CTNNA3: variants seen among roughly 807,000 people sequenced by gnomAD.
The protein encoded by CTNNA3 is catenin alpha-3.
A neutral mutation model predicts 95.7 loss-of-function variants in CTNNA3; 76 were observed. The ratio of observed to expected loss-of-function variants is 0.79; its 90% CI spans 0.66 to 0.96. CTNNA3 has a LOEUF of 0.96. CTNNA3 is among the 40% of genes least tolerant of loss of function. CTNNA3 has a pLI of 0.00. For synonymous variants in CTNNA3, 431 were observed against 374.4 expected (o/e 1.15, Z -1.74); for missense variants, 1,191 against 1,089.8 (o/e 1.09, Z -1.31).
chr10:66,765,917 C>T (rs1174743041), intron 9 of CTNNA3, among the ~76,000 whole-genome samples: 1 of 152,044 alleles, frequency 6.6e-6, no homozygotes, highest in Non-Finnish European at 1.5e-5. Context: ...CAGAGTAATG[C>T]AGCTACAAAA....
At chr10:66,901,564 T>G (rs1456866490) in intron 7 of CTNNA3, among the ~76,000 whole-genome samples, 2 of 152,110 alleles carry the variant, frequency 1.3e-5, no homozygotes, top group African/African-American at 2.4e-5. Context: ...ATGCCCTAAT[T>G]AAAAGACACA....
intron 16 of CTNNA3, among the ~76,000 whole-genome samples, chr10:65,968,817 C>T (rs747978050): frequency 7.2e-5 from 11 of 152,264 alleles, no homozygotes; most frequent in South Asian, 2.1e-4. Context: ...AAGAAAGCTT[C>T]CCAGCTCCAT....
At chr10:66,087,095 C>T (rs1288110841) in intron 14 of CTNNA3, among the ~76,000 whole-genome samples, 1 of 151,980 alleles carries the variant, frequency 6.6e-6, no homozygotes, top group Non-Finnish European at 1.5e-5. Flanking sequence ...GGTGTCATGG[C>T]ACCAGCCAGG....
At chr10:67,529,516 T>G (rs1189087104) in intron 4 of CTNNA3, among the ~76,000 whole-genome samples, 1 of 140,430 alleles carries the variant, frequency 7.1e-6, no homozygotes, top group Non-Finnish European at 1.6e-5. Flanking sequence ...GGGGGAGGGA[T>G]AGCTTTAGGA....
At chr10:66,905,489 T>C (rs1434453307) in intron 7 of CTNNA3, among the ~76,000 whole-genome samples, 2 of 152,154 alleles carry the variant, frequency 1.3e-5, no homozygotes, top group Admixed American at 1.3e-4. Context: ...CTACATGTTG[T>C]ACACATGTGC....
At chr10:67,097,694 T>G in intron 7 of CTNNA3, 2 of 1,612,634 alleles carry the variant, frequency 1.2e-6, no homozygotes, top group Non-Finnish European at 1.7e-6. Context: ...TTGAAACGAA[T>G]GCACAGGAAG....
chr10:65,965,727 TTG>T (rs2077950160), intron 17 of CTNNA3, among the ~76,000 whole-genome samples: 1 of 152,030 alleles, frequency 6.6e-6, no homozygotes, highest in Non-Finnish European at 1.5e-5. Context: ...GATCCTTTGT[TTG>T]TGTTTTTGTA....
intron 5 of CTNNA3, among the ~76,000 whole-genome samples, chr10:67,232,033 G>A (rs976432256): frequency 8.5e-5 from 13 of 152,138 alleles, no homozygotes; most frequent in African/African-American, 2.9e-4. Flanking sequence ...ATCTACGTCT[G>A]ATTGGTGTAC....
At chr10:66,436,501 C>CTTTTTTTTTTTTTTTTTTT (rs34165061) in intron 11 of CTNNA3, among the ~76,000 whole-genome samples, 22 of 60,402 alleles carry the variant, frequency 3.6e-4, no homozygotes, top group South Asian at 1.7e-3. Context: ...ACAATCCCTG[C>CTTTTTTTTTTTTTTTTTTT]TTTTTTTTTT....
At chr10:67,648,310 CTATAA>C (rs1332653055) in intron 1 of CTNNA3, among the ~76,000 whole-genome samples, 6 of 152,072 alleles carry the variant, frequency 3.9e-5, no homozygotes, top group South Asian at 4.1e-4. Context: ...TTTCAAATAG[CTATAA>C]TATATTATTT....
rs539781287 is a variant in CTNNA3 at position 66,519,099 on chromosome 10, C to T, written c.1531+1518G>A. Among the ~76,000 whole-genome samples, 6 of 151,986 alleles carry T rather than the reference C, an allele frequency of 3.9e-5. No individual in the cohort carries two copies. In the South Asian group the frequency reaches 1.0e-3, roughly 26 times the overall value. On this transcript the variant is annotated intron_variant, in intron 11 of 17. Coordinates refer to ENST00000433211, the MANE Select transcript of CTNNA3 (RefSeq NM_013266.4). ...AATATTATCACATTCCAAGAAAATC[C>T]TTCTCTTACAAAAAAGGAAAAATGT...
intron 5 of CTNNA3, among the ~76,000 whole-genome samples, chr10:67,228,142 C>T (rs950579575): frequency 2.0e-5 from 3 of 152,004 alleles, no homozygotes; most frequent in African/African-American, 7.3e-5. Flanking sequence ...ACAAACCAAA[C>T]CCAAACCCAG....
chr10:67,176,948 C>A, intron 7 of CTNNA3: 1 of 507,698 alleles, frequency 2.0e-6, no homozygotes, highest in Non-Finnish European at 3.9e-6. Flanking sequence ...TTGATTTTTA[C>A]TCCAGTGAGG....
chr10:65,943,796 C>T (rs2077467504), intron 17 of CTNNA3, among the ~76,000 whole-genome samples: 1 of 152,148 alleles, frequency 6.6e-6, no homozygotes, highest in African/African-American at 2.4e-5. Context: ...AAATTATTAA[C>T]CTTTCATGAG....
chr10:65,927,322 T>C (rs1202752627), intron 17 of CTNNA3, among the ~76,000 whole-genome samples: 1 of 152,224 alleles, frequency 6.6e-6, no homozygotes, highest in Non-Finnish European at 1.5e-5. Context: ...TTTATATTTG[T>C]GGATGCTTTG....
At chr10:66,729,034 A>T (rs1848867691) in intron 9 of CTNNA3, among the ~76,000 whole-genome samples, 1 of 152,158 alleles carries the variant, frequency 6.6e-6, no homozygotes. Flanking sequence ...TGTTTTTGTC[A>T]AGTTTGTCTA....
At chr10:66,907,157 G>A (rs950330511) in intron 7 of CTNNA3, among the ~76,000 whole-genome samples, 18 of 152,026 alleles carry the variant, frequency 1.2e-4, no homozygotes, top group South Asian at 6.2e-4. Flanking sequence ...CTTGTCATTA[G>A]CATTGCCACT....
chr10:67,335,179 C>T (rs1331493855), intron 5 of CTNNA3, among the ~76,000 whole-genome samples: 1 of 152,096 alleles, frequency 6.6e-6, no homozygotes, highest in East Asian at 1.9e-4. Flanking sequence ...AAGATGTCCA[C>T]ATTAGATTAA....
chr10:66,065,421 G>A (rs916144801), intron 15 of CTNNA3, among the ~76,000 whole-genome samples: 8 of 151,936 alleles, frequency 5.3e-5, no homozygotes, highest in African/African-American at 1.9e-4. Context: ...TCTCTTTTAA[G>A]TTACTACCTT....
Sources: allele counts gnomAD v4.1 joint callset (sites outside exome capture counted in the v4.1 genomes callset), GRCh38; gene constraint gnomAD v4.1.1; transcripts MANE v1.5; gene names NCBI Gene and HGNC (gene_info 2026-07-23, HGNC 2026-07-21).